The following ZNF462 variants were observed in gnomAD, a reference collection of about 807,000 sequenced individuals.
ZNF462 encodes the protein zinc finger protein 462.
Under a neutral mutation model 201.9 loss-of-function variants are expected in ZNF462, and 10 were observed. The ratio of observed to expected loss-of-function variants is 0.05; its 90% CI spans 0.03 to 0.08. The LOEUF (loss-of-function observed/expected upper bound fraction) is 0.08. ZNF462 is among the 10% of genes least tolerant of loss of function. The pLI is 1.00. For missense variants in ZNF462, 2,523 were observed against 3,168.3 expected (o/e 0.80, Z 4.89); for synonymous variants, 1,227 against 1,193.3 (o/e 1.03, Z -0.58).
intron 7 of ZNF462, among the ~76,000 whole-genome samples, chr9:106,955,352 C>A (rs986213899): frequency 1.3e-5 from 2 of 152,040 alleles, no homozygotes; most frequent in African/African-American, 4.8e-5. Context: ...TATACAATAG[C>A]ATTATGTCTA....
chr9:106,870,857 T>TA lies in ZNF462; in HGVS notation c.-31+7502_-31+7503insA, dbSNP rs1827558580. On this transcript the variant is annotated intron_variant, in intron 1 of 12. Coordinates refer to ENST00000277225, the MANE Select transcript of ZNF462 (RefSeq NM_021224.6). This position sits in a 1 kb window ranked among gnomAD's most constrained non-coding sequence, Gnocchi z 4.3. ...CCAAACTCACTCTTAAGTTCTCGTCTGAGCAGTTGAACCAGAACACACGCT... is the reference window on the plus strand; with the variant it reads ...CCAAACTCACTCTTAAGTTCTCGTCTAGAGCAGTTGAACCAGAACACACGCT... Among the ~76,000 whole-genome samples, 1 of 152,190 alleles carries TA rather than the reference T, an allele frequency of 6.6e-6. No homozygotes were observed. Among genetic ancestry groups the TA allele is most frequent in the South Asian group, 2.1e-4 (1 of 4,832 alleles).
intron 9 of ZNF462, among the ~76,000 whole-genome samples, chr9:106,983,875 T>C (rs974860404): frequency 1.3e-5 from 2 of 152,182 alleles, no homozygotes; most frequent in Non-Finnish European, 2.9e-5. Context: ...CTACTTCTAT[T>C]CCTCCCCCTT....
chr9:106,943,059 C>CGCGCGT (rs374167214), intron 7 of ZNF462, among the ~76,000 whole-genome samples: 6 of 143,154 alleles, frequency 4.2e-5, no homozygotes, highest in African/African-American at 1.3e-4. Context: ...TTTGCGCGCG[C>CGCGCGT]GTGTGTGTGT....
At position 106,880,651 on chromosome 9, in the gene ZNF462, A is replaced by G. The variant is rs1828051082; in HGVS notation, c.-31+17296A>G. 6.6e-6 allele frequency among the ~76,000 whole-genome samples: 1 copy of G among 152,142 alleles called. No individual in the cohort carries two copies. Among genetic ancestry groups the G allele is most frequent in the East Asian group, 1.9e-4 (1 of 5,192 alleles). On this transcript the variant is annotated intron_variant, in intron 1 of 12. Coordinates refer to ENST00000277225, the MANE Select transcript of ZNF462 (RefSeq NM_021224.6). This position sits in a 1 kb window ranked among gnomAD's most constrained non-coding sequence, Gnocchi z 4.1. ...TGGTTGTTGGGATATATTTTTATTA[A>G]TGGTTTAAGTTGGGCCTTTTATAAC...
intron 10 of ZNF462, among the ~76,000 whole-genome samples, chr9:106,996,411 G>C (rs147090818): frequency 0.067 from 10,204 of 152,130 alleles, 771 homozygotes; most frequent in African/African-American, 0.19. Flanking sequence ...AATGGTTGAA[G>C]TAGTTTACAG....
At chr9:106,995,810 T>C (rs1190194277) in intron 10 of ZNF462, 2 of 152,194 alleles carry the variant, frequency 1.3e-5, no homozygotes, top group Non-Finnish European at 1.5e-5. Flanking sequence ...GCAAATCTTA[T>C]GGCAATTTTT....
At chr9:106,906,728 A>G (rs570485839) in intron 1 of ZNF462, among the ~76,000 whole-genome samples, 1 of 152,370 alleles carries the variant, frequency 6.6e-6, no homozygotes, top group African/African-American at 2.4e-5. Flanking sequence ...TTTGATGATT[A>G]TTTTTAAATG....
intron 7 of ZNF462, among the ~76,000 whole-genome samples, chr9:106,957,017 T>C (rs192333461): frequency 1.3e-5 from 2 of 152,334 alleles, no homozygotes. Context: ...AGTAGCACTT[T>C]TAATTTTCCT....
In ZNF462 at chr9:106,950,008, G is replaced by C. The variant is rs1831270802; in HGVS notation, c.6427+10901G>C. ...CCCATCCAACCTAGACCTGACCAGA[G>C]GGTTAGCCGTTTCAAAGGGGCTTTC... On this transcript the variant is annotated intron_variant, in intron 7 of 12. Transcript: ENST00000277225. This position sits in a 1 kb window ranked among gnomAD's most constrained non-coding sequence, Gnocchi z 4.1. Among the ~76,000 whole-genome samples the C allele has an allele frequency of 1.3e-5, 2 of 152,154 alleles. No individual in the cohort carries two copies. Among genetic ancestry groups the C allele is most frequent in the African/African-American group, 4.8e-5 (2 of 41,446 alleles).
At chr9:106,864,923 T>C (rs1179875985) in intron 1 of ZNF462, among the ~76,000 whole-genome samples, 1 of 152,008 alleles carries the variant, frequency 6.6e-6, no homozygotes, top group Non-Finnish European at 1.5e-5. Flanking sequence ...CACCAGAAAA[T>C]GGAGGAGAGC....
At chr9:107,000,093 T>G (rs563839832) in intron 10 of ZNF462, among the ~76,000 whole-genome samples, 3 of 151,812 alleles carry the variant, frequency 2.0e-5, no homozygotes, top group African/African-American at 7.2e-5. Context: ...GCTAGGAGAT[T>G]AAGGACTCAA....
chr9:106,876,393 A>G lies in ZNF462; in HGVS notation c.-31+13038A>G, dbSNP rs986680677. ...CTCCAGGGCTTTGCCCCATTTATCT[A>G]TGGTCAGTATATTAGGTATTTTGTT... On this transcript the variant is annotated intron_variant, in intron 1 of 12. Transcript: ENST00000277225. This position sits in a 1 kb window ranked among gnomAD's most constrained non-coding sequence, Gnocchi z 4.9. 3.3e-5 allele frequency among the ~76,000 whole-genome samples: 5 copies of G among 152,278 alleles called. No homozygotes were observed. The highest frequency in any genetic ancestry group is 6.5e-5 in the Admixed American group (1 of 15,298).
intron 7 of ZNF462, among the ~76,000 whole-genome samples, chr9:106,960,494 AT>A: frequency 6.6e-6 from 1 of 152,120 alleles, no homozygotes; most frequent in Admixed American, 6.5e-5. Context: ...TTTTTGTTGG[AT>A]TTTTTCAGTG....
In ZNF462 at chr9:107,009,605, A is replaced by G; in HGVS notation, c.7250A>G (p.Glu2417Gly). 5.6e-6 allele frequency: 9 copies of G among 1,613,952 alleles called. No homozygotes were observed. Among genetic ancestry groups the G allele is most frequent in the Non-Finnish European group, 7.6e-6 (9 of 1,179,936 alleles). ...AACACTGAGAAGCGTTTTCCATGTGAATTTTGTGGACGGGCGTTTTCACAG... is the reference window on the plus strand; with the variant it reads ...AACACTGAGAAGCGTTTTCCATGTGGATTTTGTGGACGGGCGTTTTCACAG... ...ALNTEKRFPC[E>G]FCGRAFSQGS... Residue 2417 changes from glutamate (E) to glycine (G), a missense_variant, in exon 12 of 13, where the codon GAA (glutamate) becomes GGA (glycine). By Grantham distance (98) the Glu-to-Gly change is moderately conservative (BLOSUM62 -2). Around this residue, in one of 15 missense-constraint regions of ZNF462, gnomAD observed 228 missense variants for 361.2 expected, o/e 0.63. Transcript: ENST00000277225. This position sits in a 1 kb window ranked among gnomAD's most constrained non-coding sequence, Gnocchi z 6.1.
intron 7 of ZNF462, among the ~76,000 whole-genome samples, chr9:106,953,094 G>A (rs1300751755): frequency 6.6e-6 from 1 of 152,114 alleles, no homozygotes; most frequent in Non-Finnish European, 1.5e-5. Flanking sequence ...GTGACCTTCT[G>A]CGATCTTATC....
At position 106,863,348 on chromosome 9, in the gene ZNF462, C is replaced by T; in HGVS notation, c.-38C>T. 1 of 396,624 alleles carries T rather than the reference C, an allele frequency of 2.5e-6. No homozygotes were observed. The highest frequency in any genetic ancestry group is 3.6e-5 in the East Asian group (1 of 27,882). 24.6% of individuals were successfully genotyped at this position (396,624 alleles called of 1,614,324 possible). ...CGAAGCACCTCCCGGCGCCGGGACG[C>T]TTCTTCTGTAAGTTACTGCAATTAA... is the stretch of plus-strand genomic sequence containing the variant. On this transcript the variant is annotated 5_prime_UTR_variant, in exon 1 of 13. Transcript: ENST00000277225.
At chr9:106,906,627 A>G (rs138339217) in intron 1 of ZNF462, among the ~76,000 whole-genome samples, 1,858 of 152,360 alleles carry the variant, frequency 0.012, 43 homozygotes, top group African/African-American at 0.042. Flanking sequence ...TGTCATTGTC[A>G]GCAGAAGAGT....
In ZNF462 at chr9:107,003,157, C is replaced by G; in HGVS notation, c.7057-137C>G. 8.7e-7 allele frequency: 1 copy of G among 1,145,194 alleles called. No homozygotes were observed. The highest frequency in any genetic ancestry group is 1.2e-6 in the Non-Finnish European group (1 of 811,558). 70.9% of individuals were successfully genotyped at this position (1,145,194 alleles called of 1,614,324 possible). On this transcript the variant is annotated intron_variant, in intron 10 of 12. Coordinates refer to ENST00000277225, the MANE Select transcript of ZNF462 (RefSeq NM_021224.6). This position sits in a 1 kb window ranked among gnomAD's most constrained non-coding sequence, Gnocchi z 4.4. ...AGAGTCAAAACGAAGAAAAAGACCT[C>G]TTAGGCCCCGGAGTTGTTTGGTCCT...
rs1311226941 is a variant in ZNF462, at chr9:106,974,257, C to T, written c.6816C>T (p.His2272=). The change falls in exon 9 of 13, where the codon CAC becomes CAT. Residue 2272 remains histidine, a synonymous_variant. Coordinates refer to ENST00000277225, the MANE Select transcript of ZNF462 (RefSeq NM_021224.6). The surrounding 1 kb of genome is among the most constrained non-coding windows in gnomAD (Gnocchi z 4.0). ...HTKYKRNMID[H]IVLHREERVV... ...AATACAAGCGCAACATGATTGACCA[C>T]ATCGTGCTGCACCGAGGTAACCTTT... 22 of 1,614,174 alleles carry T rather than the reference C, an allele frequency of 1.4e-5. No homozygotes were observed. The highest frequency in any genetic ancestry group is 1.7e-5 in the Non-Finnish European group (20 of 1,180,028).
Sources: gnomAD v4.1 joint callset for allele counts (sites outside exome capture counted in the v4.1 genomes callset) on GRCh38, gnomAD v4.1.1 for gene constraint, gnomAD v4.1.1 regional missense constraint, Gnocchi (gnomAD v3.1) non-coding constraint, MANE v1.5 for transcripts, NCBI Gene and HGNC (gene_info 2026-07-23, HGNC 2026-07-21) for gene names.